The following RTN1 variants were observed in gnomAD, a reference collection of about 807,000 sequenced individuals.
RTN1 encodes reticulon-1.
A neutral mutation model predicts 65.5 loss-of-function variants in RTN1; 25 were observed. The ratio of observed to expected loss-of-function variants is 0.38; its 90% CI spans 0.28 to 0.53. RTN1 has a LOEUF of 0.53. Ranked by LOEUF, RTN1 falls within the 20% of genes least tolerant of loss-of-function variation. The pLI, the probability that RTN1 is intolerant of heterozygous loss-of-function variation, is 0.79. For synonymous variants in RTN1, 471 were observed against 447.6 expected, an observed-to-expected ratio of 1.05 and a Z score of -0.66; for missense variants, 983 against 1,025.4, an observed-to-expected ratio of 0.96 and a Z score of 0.57.
Position 59,790,890 on chromosome 14 carries a change from T to G in RTN1, c.242-44409A>C, listed in dbSNP as rs1438850229. ...GTTCACTGATTATTTGAAGCCTTTC[T>G]TCCAAGTCATTATTTCAGGTTTTCT... On this transcript the variant is annotated intron_variant, in intron 1 of 8. Coordinates refer to ENST00000267484, the MANE Select transcript of RTN1 (RefSeq NM_021136.3). This position sits in a 1 kb window ranked among gnomAD's most constrained non-coding sequence, Gnocchi z 4.1. Among the ~76,000 whole-genome samples, 3 of 152,164 alleles carry G rather than the reference T, an allele frequency of 2.0e-5. No homozygotes were observed. The East Asian group carries it at 5.8e-4, about 29-fold the overall frequency.
rs538669600 is a variant in RTN1, at chr14:59,824,890, G to T, written c.241+45500C>A. 5.3e-5 allele frequency among the ~76,000 whole-genome samples: 8 copies of T among 152,310 alleles called. No homozygotes were observed. The South Asian group carries it at 1.7e-3, about 32-fold the overall frequency. On this transcript the variant is annotated intron_variant, in intron 1 of 8. Coordinates refer to ENST00000267484, the MANE Select transcript of RTN1 (RefSeq NM_021136.3). ...TGCTAAGTGAAACAAGTCAGGCAAA[G>T]AAAGACAAATATGGCATGACTTCAC...
chr14:59,773,433 G>A (rs1885994591), intron 1 of RTN1, among the ~76,000 whole-genome samples: 4 of 152,232 alleles, frequency 2.6e-5, no homozygotes, highest in African/African-American at 9.6e-5. Flanking sequence ...CATATCTTCT[G>A]ATGACTTTAA....
intron 3 of RTN1, among the ~76,000 whole-genome samples, chr14:59,660,198 AAT>A (rs955589644): frequency 4.6e-5 from 7 of 152,206 alleles, no homozygotes; most frequent in African/African-American, 1.7e-4. Context: ...GACTATCCTA[AAT>A]ATATATGCAC....
intron 3 of RTN1, among the ~76,000 whole-genome samples, chr14:59,715,563 C>T (rs544297258): frequency 2.1e-4 from 32 of 152,294 alleles, no homozygotes; most frequent in South Asian, 8.3e-4. Flanking sequence ...CTGTGGCTCA[C>T]GCCTGTAATC....
chr14:59,609,798 A>G (rs1399798095), intron 3 of RTN1, among the ~76,000 whole-genome samples: 3 of 152,210 alleles, frequency 2.0e-5, no homozygotes, highest in Non-Finnish European at 4.4e-5. Context: ...GTTTTCATTT[A>G]TTGAGCAGGA....
At chr14:59,600,386 T>C (rs3783824) in intron 8 of RTN1, among the ~76,000 whole-genome samples, 37,071 of 152,086 alleles carry the variant, frequency 0.24, 4,855 homozygotes, top group South Asian at 0.36. Flanking sequence ...ACATTTCCAA[T>C]TTACAGATAA....
chr14:59,664,405 G>T (rs970743835), intron 3 of RTN1, among the ~76,000 whole-genome samples: 2 of 152,018 alleles, frequency 1.3e-5, no homozygotes, highest in Non-Finnish European at 2.9e-5. Flanking sequence ...ACCATGGCAC[G>T]TATATACCTA....
chr14:59,851,480 T>A (rs1287232451), intron 1 of RTN1, among the ~76,000 whole-genome samples: 1 of 152,224 alleles, frequency 6.6e-6, no homozygotes, highest in Non-Finnish European at 1.5e-5. Flanking sequence ...AAACAGGGGA[T>A]GTCTGGGGCT....
chr14:59,700,959 A>G (rs1884165694), intron 3 of RTN1, among the ~76,000 whole-genome samples: 1 of 152,178 alleles, frequency 6.6e-6, no homozygotes, highest in Non-Finnish European at 1.5e-5. Context: ...ATATTTGCAA[A>G]TCATGTATCT....
intron 1 of RTN1, among the ~76,000 whole-genome samples, chr14:59,804,361 C>A (rs1594749907): frequency 1.3e-5 from 2 of 152,214 alleles, no homozygotes; most frequent in South Asian, 2.1e-4. Context: ...GTGACACTGA[C>A]ATGACATCGC....
In RTN1 at chr14:59,825,334, G is replaced by A. The variant is rs1333903054; in HGVS notation, c.241+45056C>T. ...CTGGGTTACCTGGTCTATGGCCTTT[G>A]TTTACCAGCCCCAATATGGTTTAGG... On this transcript the variant is annotated intron_variant, in intron 1 of 8. Transcript: ENST00000267484. This position sits in a 1 kb window ranked among gnomAD's most constrained non-coding sequence, Gnocchi z 4.2. Among the ~76,000 whole-genome samples the A allele has an allele frequency of 6.6e-6, 1 of 152,216 alleles. No homozygotes were observed. Among genetic ancestry groups the A allele is most frequent in the Non-Finnish European group, 1.5e-5 (1 of 68,028 alleles).
At chr14:59,723,603 G>A (rs930923914) in intron 3 of RTN1, among the ~76,000 whole-genome samples, 1 of 152,016 alleles carries the variant, frequency 6.6e-6, no homozygotes, top group African/African-American at 2.4e-5. Context: ...GCAACAGAGC[G>A]AGACTCCGTC....
chr14:59,687,247 C>G (rs1883864909), intron 3 of RTN1, among the ~76,000 whole-genome samples: 1 of 152,180 alleles, frequency 6.6e-6, no homozygotes, highest in East Asian at 1.9e-4. Flanking sequence ...GCATTTGGAG[C>G]ATCTGCTTGC....
chr14:59,603,971 T>TA (rs1881663856), intron 5 of RTN1, 50 bp from the exon 6 acceptor site: 2 of 1,401,338 alleles, frequency 1.4e-6, no homozygotes, highest in East Asian at 2.3e-5. Flanking sequence ...CCTGACAAGT[T>TA]AGAGTCTCAT....
chr14:59,667,068 A>C (rs1207983970), intron 3 of RTN1, among the ~76,000 whole-genome samples: 4 of 151,942 alleles, frequency 2.6e-5, no homozygotes, highest in East Asian at 1.9e-4. Context: ...GAAACTATTC[A>C]AATCAATAGA....
intron 3 of RTN1, among the ~76,000 whole-genome samples, chr14:59,622,623 C>T (rs370692020): frequency 2.3e-4 from 35 of 152,244 alleles, no homozygotes; most frequent in East Asian, 1.4e-3. Context: ...AATATCACCA[C>T]AAAATGTTAA....
At position 59,803,971 on chromosome 14, in the gene RTN1, T is replaced by G. The variant is rs1886592054; in HGVS notation, c.242-57490A>C. Among the ~76,000 whole-genome samples, 1 of 152,244 alleles carries G rather than the reference T, an allele frequency of 6.6e-6. No individual in the cohort carries two copies. The highest frequency in any genetic ancestry group is 6.5e-5 in the Admixed American group (1 of 15,278). ...AGCATTCCCACATGCTGTACGTCAGTTTCCTCTCTTGTTAACATCTTACAT... is the reference window on the plus strand; with the variant it reads ...AGCATTCCCACATGCTGTACGTCAGGTTCCTCTCTTGTTAACATCTTACAT... On this transcript the variant is annotated intron_variant, in intron 1 of 8. Transcript: ENST00000267484. This position sits in a 1 kb window ranked among gnomAD's most constrained non-coding sequence, Gnocchi z 5.6.
At chr14:59,598,027 G>C (rs1422743918) in intron 8 of RTN1, among the ~76,000 whole-genome samples, 1 of 152,124 alleles carries the variant, frequency 6.6e-6, no homozygotes, top group Non-Finnish European at 1.5e-5. Flanking sequence ...AGGCAGGGGA[G>C]TGACGTGATC....
At chr14:59,649,018 C>T (rs185811375) in intron 3 of RTN1, among the ~76,000 whole-genome samples, 2,852 of 152,206 alleles carry the variant, frequency 0.019, 96 homozygotes, top group African/African-American at 0.063. Flanking sequence ...TATGACAAGG[C>T]TAGAGTAACC....
Sources: gnomAD v4.1 joint callset for allele counts (sites outside exome capture counted in the v4.1 genomes callset) on GRCh38, gnomAD v4.1.1 for gene constraint, Gnocchi (gnomAD v3.1) non-coding constraint, MANE v1.5 for transcripts, NCBI Gene and HGNC (gene_info 2026-07-23, HGNC 2026-07-21) for gene names.